The following H3-7 variants were observed in gnomAD, a reference collection of about 807,000 sequenced individuals.
H3-7 encodes the protein histone H3-7.
the H3-7 span, chr1:143,905,845 C>A: frequency 4.4e-6 from 7 of 1,581,886 alleles, 1 homozygote; most frequent in Non-Finnish European, 6.1e-6. Flanking sequence ...GGGCCGGTAG[C>A]GGTGCGGCTT....
chr1:143,905,717 G>A, the H3-7 span: 24 of 1,582,358 alleles, frequency 1.5e-5, 1 homozygote, highest in African/African-American at 2.6e-4. Context: ...CTCTGGAAGC[G>A]CAGGTCCGTC....
chr1:143,904,032 C>A, the H3-7 span, among the ~76,000 whole-genome samples: 1 of 144,862 alleles, frequency 6.9e-6, no homozygotes, highest in Non-Finnish European at 1.5e-5. Context: ...AGGGCCAACT[C>A]ATTACAGGAC....
chr1:143,904,626 G>A, the H3-7 span: 6 of 1,580,918 alleles, frequency 3.8e-6, no homozygotes, highest in Non-Finnish European at 5.2e-6. Flanking sequence ...AAAGAGAACA[G>A]AGACTTAAAG....
chr1:143,905,675 C>G, the H3-7 span: 2 of 1,583,050 alleles, frequency 1.3e-6, no homozygotes, highest in Non-Finnish European at 1.7e-6. Context: ...AGGTAGGCCT[C>G]TCTGGCCTCC....
the H3-7 span, among the ~76,000 whole-genome samples, chr1:143,903,225 T>C: frequency 1.7e-5 from 2 of 120,360 alleles, no homozygotes; most frequent in African/African-American, 6.3e-5. Context: ...CAAAGGTGAC[T>C]CTTATAATTG....
At chr1:143,904,259 G>C in the H3-7 span, 2 of 1,585,616 alleles carry the variant, frequency 1.3e-6, no homozygotes, top group African/African-American at 2.7e-5. Flanking sequence ...CCGCCTTGGT[G>C]CCCTCGGACA....
the H3-7 span, among the ~76,000 whole-genome samples, chr1:143,905,274 CA>C: frequency 7.8e-6 from 1 of 129,006 alleles, no homozygotes; most frequent in Admixed American, 8.1e-5. Flanking sequence ...TGCCCCCATG[CA>C]AAACTTTACC....
the H3-7 span, chr1:143,904,420 T>C: frequency 3.8e-6 from 6 of 1,582,900 alleles, 2 homozygotes; most frequent in Non-Finnish European, 5.2e-6. Flanking sequence ...GAGTTCATGA[T>C]GCCCATGGTC....
the H3-7 span, chr1:143,904,799 TA>T: frequency 1.7e-6 from 1 of 592,214 alleles, no homozygotes; most frequent in African/African-American, 1.9e-5. Context: ...CTTGCTTCCT[TA>T]ATGGTCACTG....
chr1:143,904,762 G>A, the H3-7 span: 505 of 692,208 alleles, frequency 7.3e-4, 14 homozygotes, highest in African/African-American at 8.2e-3. Context: ...AGAGGGGGTG[G>A]AGTCTATGTA....
chr1:143,904,422 C>G, the H3-7 span: 1 of 1,582,872 alleles, frequency 6.3e-7, no homozygotes, highest in Non-Finnish European at 8.7e-7. Context: ...GTTCATGATG[C>G]CCATGGTCTT....
the H3-7 span, chr1:143,905,548 A>T: frequency 1.9e-6 from 3 of 1,566,860 alleles, no homozygotes; most frequent in Non-Finnish European, 2.6e-6. Context: ...ACCACTTAAA[A>T]ATATACCTTA....
chr1:143,904,657 A>G, the H3-7 span: 3 of 1,553,434 alleles, frequency 1.9e-6, no homozygotes, highest in Middle Eastern at 1.7e-4. Context: ...AACTACCGCA[A>G]AACGGGCTGG....
chr1:143,903,300 T>C, the H3-7 span, among the ~76,000 whole-genome samples: 2 of 96,494 alleles, frequency 2.1e-5, no homozygotes, highest in Non-Finnish European at 2.1e-5. Context: ...GAGAAGGACC[T>C]GTAAACAGCC....
the H3-7 span, chr1:143,905,590 T>G: frequency 6.3e-7 from 1 of 1,582,016 alleles, no homozygotes; most frequent in South Asian, 1.1e-5. Flanking sequence ...GCTGACCAAC[T>G]GGATGTCCTT....
chr1:143,905,643 C>T, the H3-7 span: 3 of 1,582,894 alleles, frequency 1.9e-6, no homozygotes, highest in East Asian at 2.3e-5. Flanking sequence ...CGCACAGGTT[C>T]GTGTCTTCGA....
the H3-7 span, chr1:143,905,682 C>G: frequency 1.3e-6 from 2 of 1,583,038 alleles, no homozygotes; most frequent in Non-Finnish European, 1.7e-6. Flanking sequence ...CCTCTCTGGC[C>G]TCCTGCAGCG....
chr1:143,905,676 T>G, the H3-7 span: 48 of 1,582,982 alleles, frequency 3.0e-5, 6 homozygotes, highest in African/African-American at 8.1e-5. Flanking sequence ...GGTAGGCCTC[T>G]CTGGCCTCCT....
the H3-7 span, chr1:143,905,861 C>A: frequency 6.3e-7 from 1 of 1,581,088 alleles, no homozygotes; most frequent in Admixed American, 1.7e-5. Flanking sequence ...GGCTTCTTCA[C>A]CCCGCCCGTG....
Sources: gnomAD v4.1 joint callset for allele counts (sites outside exome capture counted in the v4.1 genomes callset) on GRCh38, gnomAD v4.1.1 for gene constraint, MANE v1.5 for transcripts, NCBI Gene and HGNC (gene_info 2026-07-23, HGNC 2026-07-21) for gene names.